Variants in IL1RAPL2 observed in about 807,000 individuals in gnomAD.
The protein encoded by IL1RAPL2 is interleukin 1 receptor accessory protein like 2.
IL1RAPL2 carries 3 observed loss-of-function variants against 44.1 expected under a neutral mutation model. That is an observed-to-expected ratio of 0.07 (90% CI 0.03 to 0.18). The LOEUF (loss-of-function observed/expected upper bound fraction) is 0.18, where lower values mean the gene tolerates loss of function less well. Among genes scored for constraint, IL1RAPL2 ranks in the 10% least tolerant of loss-of-function variants. The pLI, the probability that IL1RAPL2 is intolerant of heterozygous loss-of-function variation, is 1.00. For missense variants in IL1RAPL2, 391 were observed against 496.4 expected (o/e 0.79, Z 2.02); for synonymous variants, 181 against 178.8 (o/e 1.01, Z -0.10).
At chrX:104,850,223 A>C (rs954188065) in intron 2 of IL1RAPL2, among the ~76,000 whole-genome samples, 1 of 110,463 alleles carries the variant, frequency 9.1e-6, no homozygotes, top group Non-Finnish European at 1.9e-5. Context: ...TTTTAAAAAA[A>C]CCTCTTTTTA....
intron 4 of IL1RAPL2, among the ~76,000 whole-genome samples, chrX:105,259,941 T>C (rs940638471): frequency 1.8e-5 from 2 of 111,775 alleles, no homozygotes; most frequent in African/African-American, 6.5e-5. Context: ...AGTAGTCACC[T>C]TGAATTTTCT....
intron 5 of IL1RAPL2, among the ~76,000 whole-genome samples, chrX:105,414,350 A>T (rs1243429274): frequency 9.1e-6 from 1 of 110,104 alleles, no homozygotes; most frequent in Non-Finnish European, 1.9e-5. Flanking sequence ...CTGGTCTCAC[A>T]CTCCTGACCT....
chrX:104,637,049 G>A (rs1929826664), intron 1 of IL1RAPL2, among the ~76,000 whole-genome samples: 1 of 98,712 alleles, frequency 1.0e-5, no homozygotes, highest in African/African-American at 4.8e-5. Context: ...GGTTAAATTT[G>A]TTCCTAGGTA....
At chrX:105,355,470 T>A (rs779665788) in intron 5 of IL1RAPL2, among the ~76,000 whole-genome samples, 1 of 111,380 alleles carries the variant, frequency 9.0e-6, no homozygotes, top group Admixed American at 9.6e-5. Flanking sequence ...AGTTTCAGTT[T>A]GGGTGCGCCG....
intron 1 of IL1RAPL2, among the ~76,000 whole-genome samples, chrX:104,597,944 G>A (rs1280406526): frequency 8.9e-6 from 1 of 112,100 alleles, no homozygotes; most frequent in East Asian, 2.8e-4. Flanking sequence ...GTAGGTAAAT[G>A]ATGTGAGATA....
At chrX:105,204,521 T>C (rs2033744785) in intron 3 of IL1RAPL2, among the ~76,000 whole-genome samples, 1 of 112,007 alleles carries the variant, frequency 8.9e-6, no homozygotes, top group African/African-American at 3.2e-5. Flanking sequence ...TGGACTAATA[T>C]TGTGCCTATC....
At chrX:105,431,759 C>T (rs2035849244) in intron 5 of IL1RAPL2, among the ~76,000 whole-genome samples, 1 of 111,206 alleles carries the variant, frequency 9.0e-6, no homozygotes. Flanking sequence ...TCTAGATATT[C>T]TCTATACTTG....
intron 6 of IL1RAPL2, among the ~76,000 whole-genome samples, chrX:105,549,527 C>T (rs2036834692): frequency 9.0e-6 from 1 of 111,265 alleles, no homozygotes; most frequent in African/African-American, 3.3e-5. Flanking sequence ...CTACAGAGAA[C>T]TGTTGTACCC....
At chrX:104,960,011 T>G (rs1449583857) in intron 2 of IL1RAPL2, among the ~76,000 whole-genome samples, 1 of 112,212 alleles carries the variant, frequency 8.9e-6, no homozygotes, top group Non-Finnish European at 1.9e-5. Context: ...TTCTCATTAT[T>G]ATTTTAAGTC....
At chrX:104,585,412 A>T (rs1282470687) in intron 1 of IL1RAPL2, among the ~76,000 whole-genome samples, 2 of 45,131 alleles carry the variant, frequency 4.4e-5, no homozygotes, top group Non-Finnish European at 7.2e-5. Context: ...ATATATATAT[A>T]ATATATATAT....
intron 5 of IL1RAPL2, among the ~76,000 whole-genome samples, chrX:105,443,881 T>C (rs2035937473): frequency 8.9e-6 from 1 of 111,849 alleles, no homozygotes; most frequent in Admixed American, 9.5e-5. Flanking sequence ...CTGGATCATA[T>C]GGTAATTCTA....
At chrX:105,538,197 C>T (rs1193491271) in intron 6 of IL1RAPL2, among the ~76,000 whole-genome samples, 2 of 108,560 alleles carry the variant, frequency 1.8e-5, no homozygotes, top group Non-Finnish European at 3.8e-5. Flanking sequence ...CCACCACGCC[C>T]GGCTAATTTT....
chrX:104,948,136 C>T (rs1925446723), intron 2 of IL1RAPL2, among the ~76,000 whole-genome samples: 2 of 106,662 alleles, frequency 1.9e-5, no homozygotes, highest in South Asian at 8.6e-4. Flanking sequence ...CCTTCACATC[C>T]CTTGTAAGTT....
At chrX:105,394,236 C>T (rs979057343) in intron 5 of IL1RAPL2, among the ~76,000 whole-genome samples, 4 of 112,030 alleles carry the variant, frequency 3.6e-5, no homozygotes, top group Admixed American at 1.9e-4. Flanking sequence ...TTTGCTAAAA[C>T]TTATTTTATA....
At chrX:105,034,944 G>T (rs1360963382) in intron 2 of IL1RAPL2, among the ~76,000 whole-genome samples, 34 of 111,536 alleles carry the variant, frequency 3.0e-4, no homozygotes, top group African/African-American at 1.0e-3. Context: ...GGCAATGCGG[G>T]CGCCCCTCCC....
chrX:104,758,634 G>A (rs944153130), intron 2 of IL1RAPL2, among the ~76,000 whole-genome samples: 1 of 111,764 alleles, frequency 8.9e-6, no homozygotes, highest in Non-Finnish European at 1.9e-5. Flanking sequence ...TGCGTTTTGA[G>A]CTATGGCATT....
At chrX:105,287,558 T>A (rs966743704) in intron 5 of IL1RAPL2, among the ~76,000 whole-genome samples, 2 of 111,556 alleles carry the variant, frequency 1.8e-5, no homozygotes, top group African/African-American at 6.5e-5. Context: ...GAGAATGAAT[T>A]GAAGAGAAGC....
At chrX:105,152,826 C>G (rs748769853) in intron 2 of IL1RAPL2, among the ~76,000 whole-genome samples, 1 of 112,003 alleles carries the variant, frequency 8.9e-6, no homozygotes, top group South Asian at 3.7e-4. Context: ...CCTGTTTTGT[C>G]TCTCTCATCC....
Position 105,303,805 on chromosome X carries a change from C to G in IL1RAPL2, c.697+36264C>G, listed in dbSNP as rs932386050. Among the ~76,000 whole-genome samples, 4 of 112,448 alleles carry G rather than the reference C, an allele frequency of 3.6e-5. No individual in the cohort carries two copies. In the Admixed American group the frequency reaches 3.7e-4, roughly 11 times the overall value. On this transcript the variant is annotated intron_variant, in intron 5 of 10. Transcript: ENST00000372582. ...TCCAATTGGGGAAAATCCCCTTAAACAGGGCCCTTCCTATAGGTTAGGGAA... is the reference window on the plus strand; with the variant it reads ...TCCAATTGGGGAAAATCCCCTTAAAGAGGGCCCTTCCTATAGGTTAGGGAA...
Sources: allele counts gnomAD v4.1 joint callset (sites outside exome capture counted in the v4.1 genomes callset), GRCh38; gene constraint gnomAD v4.1.1; transcripts MANE v1.5; gene names NCBI Gene and HGNC (gene_info 2026-07-23, HGNC 2026-07-21).